AHI1: variants seen among roughly 807,000 people sequenced by gnomAD.
AHI1 encodes the protein jouberin.
A neutral mutation model predicts 149.3 loss-of-function variants in AHI1; 123 were observed. The ratio of observed to expected loss-of-function variants is 0.82; its 90% CI spans 0.71 to 0.96. The LOEUF is 0.96. AHI1 is among the 40% of genes least tolerant of loss of function. The probability of loss-of-function intolerance (pLI) is 0.00; values close to 1 mark genes in which losing one functional copy is unlikely to be tolerated. For synonymous variants in AHI1, 475 were observed against 459.8 expected, an observed-to-expected ratio of 1.03 and a Z score of -0.42; for missense variants, 1,439 against 1,422.7, an observed-to-expected ratio of 1.01 and a Z score of -0.18.
At chr6:135,415,812 A>G (rs1307210966) in intron 20 of AHI1, among the ~76,000 whole-genome samples, 1 of 152,214 alleles carries the variant, frequency 6.6e-6, no homozygotes, top group Non-Finnish European at 1.5e-5. Context: ...ATACAATTAA[A>G]CAACACCCAA....
chr6:135,326,917 C>A (rs748168799), intron 24 of AHI1, among the ~76,000 whole-genome samples: 5 of 152,148 alleles, frequency 3.3e-5, no homozygotes, highest in Non-Finnish European at 5.9e-5. Flanking sequence ...ACTCTTCTGA[C>A]TCTCCAATGT....
Position 135,364,954 on chromosome 6 carries a change from T to C in AHI1, c.3110-6767A>G, listed in dbSNP as rs113911253. 9.9e-3 allele frequency among the ~76,000 whole-genome samples: 1,431 copies of C among 144,146 alleles called. 20 individuals are homozygous for C. The highest frequency in any genetic ancestry group is 0.036 in the African/African-American group (1,336 of 37,380). 94.6% of individuals were successfully genotyped at this position (144,146 alleles called of 152,430 possible). The stretch of plus-strand genomic sequence containing the variant: ...GAGGGAGAGGGAGAGGGAGAGGGAG[T>C]GGGAGCGGGAGCGTCTTTCATCCAT... On this transcript the variant is annotated intron_variant, in intron 23 of 28. Transcript: ENST00000265602.
At chr6:135,398,791 C>G (rs945845681) in intron 22 of AHI1, among the ~76,000 whole-genome samples, 2 of 152,178 alleles carry the variant, frequency 1.3e-5, no homozygotes, top group Admixed American at 1.3e-4. Flanking sequence ...CCTCTCCCAC[C>G]TATCCTTATG....
At chr6:135,482,894 C>CTGTTTTTTTTTTTTTTTTTTTTTT (rs1793899273) in intron 5 of AHI1, among the ~76,000 whole-genome samples, 1 of 55,734 alleles carries the variant, frequency 1.8e-5, no homozygotes. Flanking sequence ...CCATTTAAGG[C>CTGTTTTTTTTTTTTTTTTTTTTTT]TTTTTTTTTT....
At chr6:135,299,875 G>A (rs1783631969) in intron 27 of AHI1, among the ~76,000 whole-genome samples, 1 of 151,788 alleles carries the variant, frequency 6.6e-6, no homozygotes, top group South Asian at 2.1e-4. Context: ...TTTAATACAC[G>A]TTCACTTGTT....
chr6:135,356,174 GT>G (rs1040029773), intron 24 of AHI1, among the ~76,000 whole-genome samples: 1 of 152,056 alleles, frequency 6.6e-6, no homozygotes, highest in Non-Finnish European at 1.5e-5. Flanking sequence ...CTCCCTTTCT[GT>G]TTTTTTCTCA....
chr6:135,373,070 G>A (rs561755963), intron 23 of AHI1, among the ~76,000 whole-genome samples: 16 of 152,266 alleles, frequency 1.1e-4, no homozygotes, highest in South Asian at 4.1e-4. Context: ...CTGAGTTAAC[G>A]TACTAGGACT....
intron 25 of AHI1, among the ~76,000 whole-genome samples, chr6:135,319,240 C>A (rs972600097): frequency 6.6e-6 from 1 of 152,132 alleles, no homozygotes; most frequent in Non-Finnish European, 1.5e-5. Flanking sequence ...CTTTGGGAGG[C>A]CGAGGTGGGC....
At chr6:135,306,087 A>G (rs1784503008) in intron 26 of AHI1, among the ~76,000 whole-genome samples, 1 of 152,214 alleles carries the variant, frequency 6.6e-6, no homozygotes, top group Non-Finnish European at 1.5e-5. Context: ...CATAAGTGCA[A>G]GGACTATTTT....
At chr6:135,403,361 T>C (rs1246202213) in intron 22 of AHI1, among the ~76,000 whole-genome samples, 1 of 152,200 alleles carries the variant, frequency 6.6e-6, no homozygotes, top group East Asian at 1.9e-4. Flanking sequence ...TAACTGAAGA[T>C]ACTAGTAAGG....
intron 23 of AHI1, among the ~76,000 whole-genome samples, chr6:135,373,685 G>GACTACGATCAAAGAAAGAAGA (rs1391513126): frequency 6.6e-6 from 1 of 152,026 alleles, no homozygotes; most frequent in African/African-American, 2.4e-5. Context: ...TTTAACTCAG[G>GACTACGATCAAAGAAAGAAGA]ACTACGATCA....
Position 135,394,777 on chromosome 6 carries a change from G to A in AHI1, c.3108C>T (p.Thr1036=), listed in dbSNP as rs761976492. ...EILHQFGFTQ[T]GIISIERKPC... ...TGTCAAAGTAAGAAAGGGGCTCACC[G>A]GTCTGAGTGAAACCAAACTGATGTA... is the stretch of plus-strand genomic sequence containing the variant. The change falls in exon 23 of 29, where the codon ACC becomes ACT. Residue 1036 remains threonine (T), a splice_region_variant and synonymous_variant. Coordinates refer to ENST00000265602, the MANE Select transcript of AHI1 (RefSeq NM_001134831.2). 2.5e-5 allele frequency: 41 copies of A among 1,609,954 alleles called. No homozygotes were observed. The highest frequency in any genetic ancestry group is 2.4e-4 in the South Asian group (22 of 90,306).
Position 135,492,245 on chromosome 6 carries a change from C to T in AHI1, c.-8G>A, listed in dbSNP as rs570945358. 4.6e-6 allele frequency: 7 copies of T among 1,537,622 alleles called. No individual in the cohort carries two copies. The African/African-American group carries it at 8.2e-5, about 18-fold the overall frequency. On this transcript the variant is annotated 5_prime_UTR_variant, in exon 4 of 29. Coordinates refer to ENST00000265602, the MANE Select transcript of AHI1 (RefSeq NM_001134831.2). ...AGTCTTACCTGTAGGCATCTCTCAG[C>T]TTTATGCAGAGGACTGAGAATGCAA...
At chr6:135,325,362 C>T (rs1251287174) in intron 24 of AHI1, among the ~76,000 whole-genome samples, 1 of 152,170 alleles carries the variant, frequency 6.6e-6, no homozygotes, top group Admixed American at 6.5e-5. Flanking sequence ...TGTTAAGTCA[C>T]TTACATACAA....
At chr6:135,449,011 A>G (rs950396788) in intron 11 of AHI1, among the ~76,000 whole-genome samples, 2 of 152,140 alleles carry the variant, frequency 1.3e-5, no homozygotes, top group African/African-American at 4.8e-5. Flanking sequence ...TTAAAACCCT[A>G]TTAAACAAAA....
At chr6:135,310,399 C>T (rs1041793510) in intron 26 of AHI1, among the ~76,000 whole-genome samples, 24 of 152,070 alleles carry the variant, frequency 1.6e-4, no homozygotes, top group African/African-American at 5.1e-4. Context: ...TAAAATTTTG[C>T]GTGTATGTGT....
chr6:135,302,082 C>T (rs913958637), intron 26 of AHI1: 1 of 971,270 alleles, frequency 1.0e-6, no homozygotes, highest in Non-Finnish European at 1.2e-6. Context: ...GCCTTGAACT[C>T]CTGGGCTCAA....
chr6:135,314,923 A>C (rs1785718346), intron 26 of AHI1, among the ~76,000 whole-genome samples: 1 of 152,180 alleles, frequency 6.6e-6, no homozygotes, highest in Non-Finnish European at 1.5e-5. Context: ...TGCACATTAA[A>C]ATTACCTGGA....
rs759401042 is a variant in AHI1, at chr6:135,405,675, C to A, written c.2962-698G>T. Reference sequence around the variant, plus strand: ...AGAGATCGAGACCATCCTGGGCCAACGTGGTGAAACCCCATCTCTACTAAA... The same window carrying A: ...AGAGATCGAGACCATCCTGGGCCAAAGTGGTGAAACCCCATCTCTACTAAA... On this transcript the variant is annotated intron_variant, in intron 21 of 28. Coordinates refer to ENST00000265602, the MANE Select transcript of AHI1 (RefSeq NM_001134831.2). 1.3e-5 allele frequency among the ~76,000 whole-genome samples: 2 copies of A among 151,686 alleles called. 1 individual carries two copies. The highest frequency in any genetic ancestry group is 4.2e-4 in the South Asian group (2 of 4,812).
Sources: allele counts gnomAD v4.1 joint callset (sites outside exome capture counted in the v4.1 genomes callset), GRCh38; gene constraint gnomAD v4.1.1; transcripts MANE v1.5; gene names NCBI Gene and HGNC (gene_info 2026-07-23, HGNC 2026-07-21).